The following WWOX variants were observed in gnomAD, a reference collection of about 807,000 sequenced individuals.
The protein encoded by WWOX is WW domain containing oxidoreductase.
In WWOX, 69 loss-of-function variants were observed where a neutral mutation model predicts 46.2. That is an observed-to-expected ratio of 1.49 (90% confidence interval 1.23 to 1.82). The LOEUF (loss-of-function observed/expected upper bound fraction) is 1.82. Ranked by LOEUF, WWOX falls within the 40% of genes most tolerant of loss-of-function variation. WWOX has a pLI of 0.00. For synonymous variants in WWOX, 359 were observed against 202.6 expected (o/e 1.77, Z -6.56); for missense variants, 919 against 542.6 (o/e 1.69, Z -6.89).
At chr16:78,202,724 C>T (rs2036270712) in intron 5 of WWOX, among the ~76,000 whole-genome samples, 1 of 151,922 alleles carries the variant, frequency 6.6e-6, no homozygotes, top group Non-Finnish European at 1.5e-5. Flanking sequence ...CCTCCCAGTT[C>T]TCTGTCTCTG....
At chr16:78,211,241 GGC>G (rs1166616505) in intron 5 of WWOX, among the ~76,000 whole-genome samples, 2 of 152,180 alleles carry the variant, frequency 1.3e-5, no homozygotes, top group Non-Finnish European at 2.9e-5. Context: ...TTCTCAAGAA[GGC>G]GATGGTAGAA....
intron 8 of WWOX, among the ~76,000 whole-genome samples, chr16:78,554,046 T>A: frequency 6.6e-6 from 1 of 152,240 alleles, no homozygotes. Context: ...AAATCTGAGT[T>A]GTTCCACAGA....
At chr16:78,928,363 C>T (rs898079514) in intron 8 of WWOX, among the ~76,000 whole-genome samples, 5 of 151,584 alleles carry the variant, frequency 3.3e-5, no homozygotes, top group Admixed American at 6.6e-5. Flanking sequence ...CTACCACGCC[C>T]GGCTAATTTT....
intron 8 of WWOX, among the ~76,000 whole-genome samples, chr16:78,993,058 AATGCACATTTTCCCCTTCTT>A (rs1400461569): frequency 6.6e-6 from 1 of 152,162 alleles, no homozygotes; most frequent in Non-Finnish European, 1.5e-5. Flanking sequence ...TTTTCATATA[AATGCACATTTTCCCCTTCTT>A]TCGGGGAGGA....
chr16:78,386,526 C>T (rs1427763587), intron 5 of WWOX, among the ~76,000 whole-genome samples: 1 of 152,142 alleles, frequency 6.6e-6, no homozygotes, highest in Non-Finnish European at 1.5e-5. Context: ...GTGCATTCCC[C>T]TCCTTACAGC....
At chr16:78,282,803 C>G (rs9937017) in intron 5 of WWOX, among the ~76,000 whole-genome samples, 108,973 of 149,192 alleles carry the variant, frequency 0.73, 41,283 homozygotes, top group East Asian at 1. Flanking sequence ...GCTTGAACCT[C>G]GGAGGTGGAG....
intron 8 of WWOX, among the ~76,000 whole-genome samples, chr16:78,940,967 T>C (rs1456003225): frequency 1.3e-5 from 2 of 151,960 alleles, no homozygotes; most frequent in Non-Finnish European, 2.9e-5. Flanking sequence ...CCACTCATAT[T>C]TCATAAGGGT....
At chr16:78,710,564 G>A (rs1452117862) in intron 8 of WWOX, among the ~76,000 whole-genome samples, 3 of 136,936 alleles carry the variant, frequency 2.2e-5, no homozygotes, top group Middle Eastern at 3.8e-3. Flanking sequence ...ATTTATGCAA[G>A]TATATATCTA....
chr16:78,709,955 C>T (rs2048404642), intron 8 of WWOX, among the ~76,000 whole-genome samples: 1 of 151,926 alleles, frequency 6.6e-6, no homozygotes, highest in Admixed American at 6.6e-5. Flanking sequence ...GGTCTTGAAC[C>T]CCTGATCTCA....
chr16:79,011,773 A>C (rs939316789), intron 8 of WWOX, among the ~76,000 whole-genome samples: 3 of 152,040 alleles, frequency 2.0e-5, no homozygotes, highest in African/African-American at 7.2e-5. Context: ...GATTACAGGC[A>C]TGAGCCACCA....
chr16:79,015,102 C>T (rs1433655549), intron 8 of WWOX, among the ~76,000 whole-genome samples: 1 of 152,154 alleles, frequency 6.6e-6, no homozygotes, highest in Non-Finnish European at 1.5e-5. Context: ...TGTCGGGGGC[C>T]ACAGGACACT....
chr16:78,295,756 C>G (rs1261498672), intron 5 of WWOX, among the ~76,000 whole-genome samples: 1 of 151,212 alleles, frequency 6.6e-6, no homozygotes, highest in African/African-American at 2.4e-5. Context: ...AAAAACTTGT[C>G]TCCAAATGAG....
intron 8 of WWOX, among the ~76,000 whole-genome samples, chr16:78,600,129 A>G (rs9922893): frequency 2.0e-5 from 3 of 151,660 alleles, no homozygotes; most frequent in African/African-American, 7.3e-5. Flanking sequence ...TAAAACCATC[A>G]GATCTCGTGA....
chr16:78,923,143 G>C (rs530108376), intron 8 of WWOX, among the ~76,000 whole-genome samples: 4 of 151,992 alleles, frequency 2.6e-5, no homozygotes, highest in African/African-American at 9.6e-5. Context: ...CACCATGCCA[G>C]GCTAATTTTG....
intron 8 of WWOX, among the ~76,000 whole-genome samples, chr16:78,512,446 G>T (rs2085383980): frequency 6.6e-6 from 1 of 152,124 alleles, no homozygotes; most frequent in Non-Finnish European, 1.5e-5. Flanking sequence ...GTGTTGAGTA[G>T]AATTAAACGT....
At chr16:78,923,795 T>G (rs978708943) in intron 8 of WWOX, among the ~76,000 whole-genome samples, 20 of 3,354 alleles carry the variant, frequency 6.0e-3, no homozygotes, top group African/African-American at 6.7e-3. Context: ...TTTTAGTTAG[T>G]TTTTTTTTTT....
chr16:78,785,532 A>G (rs1397128218), intron 8 of WWOX, among the ~76,000 whole-genome samples: 1 of 152,216 alleles, frequency 6.6e-6, no homozygotes, highest in Non-Finnish European at 1.5e-5. Context: ...TTTCTCTGAA[A>G]TATGGGTAGC....
In WWOX at chr16:78,748,013, C is replaced by G. The variant is rs1449049274; in HGVS notation, c.1056+315261C>G. ...CTAAGAAACTCCAAGTCCATCTGCG[C>G]CGAAGAGTATTGAACTTGGCCAGAG... On this transcript the variant is annotated intron_variant, in intron 8 of 8. Transcript: ENST00000566780. 2.0e-5 allele frequency among the ~76,000 whole-genome samples: 3 copies of G among 152,200 alleles called. 1 individual carries two copies. Among genetic ancestry groups the G allele is most frequent in the Non-Finnish European group, 4.4e-5 (3 of 68,038 alleles).
chr16:78,956,638 C>A (rs148348386), intron 8 of WWOX, among the ~76,000 whole-genome samples: 2,212 of 152,122 alleles, frequency 0.015, 25 homozygotes, highest in Non-Finnish European at 0.023. Flanking sequence ...CATATCATAC[C>A]GAATAATTTC....
Sources: allele counts gnomAD v4.1 joint callset (sites outside exome capture counted in the v4.1 genomes callset), GRCh38; gene constraint gnomAD v4.1.1; transcripts MANE v1.5; gene names NCBI Gene and HGNC (gene_info 2026-07-23, HGNC 2026-07-21).